LTBP1: variants seen among roughly 807,000 people sequenced by gnomAD.
The protein encoded by LTBP1 is latent-transforming growth factor beta-binding protein 1.
In LTBP1, 129 loss-of-function variants were observed where a neutral mutation model predicts 207.6. The ratio of observed to expected loss-of-function variants is 0.62; its 90% CI spans 0.54 to 0.72. The LOEUF is 0.72. Among genes scored for constraint, LTBP1 ranks in the 30% least tolerant of loss-of-function variants. LTBP1 has a pLI of 0.00. For synonymous variants in LTBP1, 963 were observed against 833.7 expected (o/e 1.16, Z -2.67); for missense variants, 2,281 against 2,217.2 (o/e 1.03, Z -0.58).
chr2:33,192,966 C>T (rs1291781379), intron 7 of LTBP1, among the ~76,000 whole-genome samples: 1 of 152,170 alleles, frequency 6.6e-6, no homozygotes, highest in Non-Finnish European at 1.5e-5. Flanking sequence ...GGAAGACCCT[C>T]TTATTAGGTC....
chr2:33,285,155 C>T (rs2093639923), intron 19 of LTBP1, among the ~76,000 whole-genome samples: 2 of 150,252 alleles, frequency 1.3e-5, no homozygotes, highest in African/African-American at 4.9e-5. Context: ...GATTCTCCTG[C>T]GTCAGCCTCC....
chr2:33,253,810 A>C (rs1281051842), intron 11 of LTBP1, among the ~76,000 whole-genome samples: 2 of 151,886 alleles, frequency 1.3e-5, no homozygotes, highest in South Asian at 4.2e-4. Flanking sequence ...ATGTTGGTAG[A>C]CTAGATAATT....
chr2:33,056,306 T>C, intron 3 of LTBP1: 5 of 870,214 alleles, frequency 5.7e-6, no homozygotes, highest in Non-Finnish European at 4.9e-6. Flanking sequence ...CAAAACCGCC[T>C]GCAGTTTTGT....
At chr2:33,121,684 C>T (rs951085886) in intron 4 of LTBP1, among the ~76,000 whole-genome samples, 3 of 152,166 alleles carry the variant, frequency 2.0e-5, no homozygotes, top group East Asian at 1.9e-4. Context: ...TAGAAGGTTA[C>T]GGCGTAATCC....
In LTBP1 at chr2:33,196,705, T is replaced by C. The variant is rs75947082; in HGVS notation, c.1701+7854T>C. ...ATAAATGCTCACCAGAGTTGATTTC[T>C]TGACCCTTAGCAGGGAGGATTGTGA... is the stretch of plus-strand genomic sequence containing the variant. On this transcript the variant is annotated intron_variant, in intron 7 of 33. Coordinates refer to ENST00000404816, the MANE Select transcript of LTBP1 (RefSeq NM_206943.4). 1.4e-4 allele frequency among the ~76,000 whole-genome samples: 22 copies of C among 152,346 alleles called. No homozygotes were observed. In the East Asian group the frequency reaches 2.1e-3, roughly 15 times the overall value.
At chr2:33,261,821 G>A (rs2093018706) in intron 13 of LTBP1, among the ~76,000 whole-genome samples, 1 of 152,180 alleles carries the variant, frequency 6.6e-6, no homozygotes, top group African/African-American at 2.4e-5. Context: ...GACTATCTTA[G>A]AAAAAGCAGA....
chr2:33,019,495 C>T (rs949613051), intron 2 of LTBP1, among the ~76,000 whole-genome samples: 2 of 151,164 alleles, frequency 1.3e-5, no homozygotes, highest in Non-Finnish European at 3.0e-5. Flanking sequence ...CCACCACACT[C>T]GGCTAGTTTT....
chr2:33,189,713 A>G (rs1476432976), intron 7 of LTBP1, among the ~76,000 whole-genome samples: 2 of 152,178 alleles, frequency 1.3e-5, no homozygotes, highest in African/African-American at 4.8e-5. Context: ...GTAATATTTC[A>G]TGTTATCTTT....
chr2:33,201,108 C>A (rs551354924), intron 7 of LTBP1, among the ~76,000 whole-genome samples: 1 of 152,120 alleles, frequency 6.6e-6, no homozygotes, highest in South Asian at 2.1e-4. Context: ...ACCATTTGAC[C>A]CAGCCATCCC....
At chr2:33,222,197 G>T (rs1298905566) in intron 9 of LTBP1, 46 bp downstream of exon 9, 1 of 1,441,304 alleles carries the variant, frequency 6.9e-7, no homozygotes, top group Non-Finnish European at 9.8e-7. Flanking sequence ...AGTTGTTTTG[G>T]CTTTTTAGAA....
intron 24 of LTBP1, among the ~76,000 whole-genome samples, chr2:33,336,125 T>A (rs558743087): frequency 9.9e-5 from 15 of 152,150 alleles, no homozygotes; most frequent in African/African-American, 3.4e-4. Flanking sequence ...AGGACAGAGA[T>A]GCCTAAGTCT....
chr2:32,953,538 A>C (rs1414413301), intron 2 of LTBP1, among the ~76,000 whole-genome samples: 1 of 152,214 alleles, frequency 6.6e-6, no homozygotes, highest in Non-Finnish European at 1.5e-5. Flanking sequence ...TCAAGTTCAC[A>C]CTAGGTCAAA....
chr2:33,061,477 A>C (rs1013132518), intron 3 of LTBP1: 1 of 152,144 alleles, frequency 6.6e-6, no homozygotes, highest in African/African-American at 2.4e-5. Flanking sequence ...CAGTTTTCTC[A>C]GTCCTACCCC....
In LTBP1 at chr2:33,215,697, CT is replaced by C. The variant is rs561126661; in HGVS notation, c.1702-1853del. Reference sequence around the variant, plus strand: ...ACTAGCCTGGGGTATGGATGCTAAACTTCCATTGGTTTTCTTTTGTTTTTTG... The same window carrying C: ...ACTAGCCTGGGGTATGGATGCTAAACTCCATTGGTTTTCTTTTGTTTTTTG... On this transcript the variant is annotated intron_variant, in intron 7 of 33. Transcript: ENST00000404816. 3.7e-4 allele frequency among the ~76,000 whole-genome samples: 56 copies of C among 149,840 alleles called. No individual in the cohort carries two copies. The South Asian group carries it at 5.1e-3, about 14-fold the overall frequency.
rs1270463011 is a variant in LTBP1, at chr2:33,021,313, G to A, written c.863+107G>A. On this transcript the variant is annotated intron_variant, in intron 3 of 33. Coordinates refer to ENST00000404816, the MANE Select transcript of LTBP1 (RefSeq NM_206943.4). ...CCTGCACAATTTGCAGAAATCACTT[G>A]GATAATAATGTTTTTCTTTCCTTTC... The A allele has an allele frequency of 2.0e-5, 21 of 1,042,038 alleles. No homozygotes were observed. The South Asian group carries it at 3.5e-4, about 17-fold the overall frequency. 64.5% of individuals were successfully genotyped at this position (1,042,038 alleles called of 1,614,324 possible). A position where few individuals can be genotyped will look rare whatever the true frequency, so the allele number is the denominator to read the frequency against.
At chr2:33,275,973 G>C (rs769679493) in intron 18 of LTBP1, 50 bp downstream of exon 18, 3 of 1,511,248 alleles carry the variant, frequency 2.0e-6, no homozygotes, top group East Asian at 2.4e-5. Flanking sequence ...GTGCAGGGTT[G>C]GTAGGCACCT....
chr2:33,217,563 G>A lies in LTBP1; in HGVS notation c.1713G>A (p.Ala571=), dbSNP rs544555770. The A allele has an allele frequency of 1.7e-5, 28 of 1,613,396 alleles. No homozygotes were observed. Among genetic ancestry groups the A allele is most frequent in the South Asian group, 1.2e-4 (11 of 91,044 alleles). Residue 571 remains alanine, a synonymous_variant, in exon 8 of 34, where the codon GCG becomes GCA. Transcript: ENST00000404816. ...QETIGSQCGK[A]LPGLSKQEDC... ...CCTAATCATTGCAGTGTGGCAAAGC[G>A]CTCCCTGGCCTTTCAAAGCAAGAGG... is the stretch of plus-strand genomic sequence containing the variant.
In LTBP1 at chr2:32,964,654, G is replaced by A. The variant is rs1184097495; in HGVS notation, c.565+15709G>A. Among the ~76,000 whole-genome samples, 8 of 151,984 alleles carry A rather than the reference G, an allele frequency of 5.3e-5. No individual in the cohort carries two copies. In the East Asian group the frequency reaches 1.5e-3, roughly 29 times the overall value. ...ATAAAGGCCACAGTTCTAAGAAATG[G>A]TGTTAAAATTTTGAGAAAATTCAAA... is the stretch of plus-strand genomic sequence containing the variant. On this transcript the variant is annotated intron_variant, in intron 2 of 33. Coordinates refer to ENST00000404816, the MANE Select transcript of LTBP1 (RefSeq NM_206943.4).
At chr2:33,090,136 G>A (rs1211676661) in intron 3 of LTBP1, among the ~76,000 whole-genome samples, 2 of 152,252 alleles carry the variant, frequency 1.3e-5, no homozygotes, top group Non-Finnish European at 2.9e-5. Flanking sequence ...TGCAGCAGAA[G>A]AGAGTTGGAA....
Sources: allele counts gnomAD v4.1 joint callset (sites outside exome capture counted in the v4.1 genomes callset), GRCh38; gene constraint gnomAD v4.1.1; transcripts MANE v1.5; gene names NCBI Gene and HGNC (gene_info 2026-07-23, HGNC 2026-07-21).